FNBP1: variants seen among roughly 807,000 people sequenced by gnomAD.
FNBP1 encodes formin-binding protein 1.
A neutral mutation model predicts 90.6 loss-of-function variants in FNBP1; 26 were observed. The observed-to-expected ratio is 0.29, with a 90% confidence interval of 0.21 to 0.40. FNBP1 has a LOEUF of 0.40. Ranked by LOEUF, FNBP1 falls within the 10% of genes least tolerant of loss-of-function variation. The pLI is 1.00. For missense variants in FNBP1, 635 were observed against 768.0 expected (o/e 0.83, Z 2.05); for synonymous variants, 260 against 265.2 (o/e 0.98, Z 0.19).
chr9:129,937,180 A>AC (rs901545667), intron 6 of FNBP1, among the ~76,000 whole-genome samples: 79 of 150,946 alleles, frequency 5.2e-4, no homozygotes, highest in African/African-American at 1.8e-3. Context: ...AAGGGGGGGA[A>AC]AAAAATAAAA....
intron 8 of FNBP1, among the ~76,000 whole-genome samples, chr9:129,926,030 G>A (rs2041857354): frequency 6.6e-6 from 1 of 151,954 alleles, no homozygotes; most frequent in Non-Finnish European, 1.5e-5. Context: ...GGAGTGCAGT[G>A]GCGTGATCTT....
At chr9:129,909,780 C>T (rs1040613679) in intron 11 of FNBP1, among the ~76,000 whole-genome samples, 15 of 152,270 alleles carry the variant, frequency 9.9e-5, no homozygotes, top group East Asian at 9.7e-4. Flanking sequence ...TGTGCCACCA[C>T]GCCCGGCTAA....
intron 6 of FNBP1, chr9:129,936,432 G>A (rs557782665): frequency 3.3e-5 from 5 of 152,342 alleles, no homozygotes; most frequent in East Asian, 3.9e-4. Flanking sequence ...CCCAGAGGCT[G>A]GGGACACAGC....
At chr9:129,899,939 G>A (rs2036588224) in intron 15 of FNBP1, 26 bp downstream of exon 15, 1 of 1,538,538 alleles carries the variant, frequency 6.5e-7, no homozygotes, top group East Asian at 2.4e-5. Context: ...AAAAGGCAGG[G>A]GAATCCAGCA....
At chr9:130,048,927 CCCG>C in the FNBP1 span, among the ~76,000 whole-genome samples, 1 of 151,698 alleles carries the variant, frequency 6.6e-6, no homozygotes, top group Non-Finnish European at 1.5e-5. Context: ...ACTACAGGCG[CCCG>C]CCACCATGCC....
At chr9:130,044,037 T>C (rs2060026870), upstream of FNBP1, among the ~76,000 whole-genome samples, 1 of 152,208 alleles carries the variant, frequency 6.6e-6, no homozygotes, top group African/African-American at 2.4e-5. Flanking sequence ...AGGCCGAAGG[T>C]TGGTAAACCC....
chr9:129,977,703 C>CCT lies in FNBP1; in HGVS notation c.345+760_345+761dup, dbSNP rs142559169. Among the ~76,000 whole-genome samples the CCT allele has an allele frequency of 7.1e-3, 1,083 of 152,052 alleles. 44 individuals carry two copies. In the East Asian group the frequency reaches 0.12, roughly 17 times the overall value. The stretch of plus-strand genomic sequence containing the variant: ...GAAGGGGTTTCACCATGTTGACCAG[C>CCT]CTGATCGCGAACTCCTTAGCTCAGG... On this transcript the variant is annotated intron_variant, in intron 4 of 16. Transcript: ENST00000446176.
chr9:129,918,523 T>C (rs2040598796), intron 10 of FNBP1, among the ~76,000 whole-genome samples: 1 of 152,208 alleles, frequency 6.6e-6, no homozygotes, highest in South Asian at 2.1e-4. Context: ...CATGTGTTAT[T>C]GGACAGTCAC....
At chr9:130,040,447 C>A (rs1278871234) in intron 1 of FNBP1, among the ~76,000 whole-genome samples, 1 of 151,908 alleles carries the variant, frequency 6.6e-6, no homozygotes, top group Non-Finnish European at 1.5e-5. Flanking sequence ...GGCGAAACCC[C>A]GTCTCTACTA....
At chr9:129,972,681 GC>G (rs1478367701) in intron 4 of FNBP1, among the ~76,000 whole-genome samples, 11 of 152,032 alleles carry the variant, frequency 7.2e-5, no homozygotes, top group African/African-American at 2.7e-4. Flanking sequence ...ACAGGCACGC[GC>G]CACTGTGCCT....
chr9:129,987,485 C>G (rs2052464438), intron 2 of FNBP1, among the ~76,000 whole-genome samples: 2 of 151,974 alleles, frequency 1.3e-5, no homozygotes, highest in Admixed American at 6.6e-5. Flanking sequence ...CATGGAAGTA[C>G]ACACACACAA....
intron 16 of FNBP1, among the ~76,000 whole-genome samples, chr9:129,891,109 C>T (rs190403935): frequency 5.4e-5 from 8 of 147,344 alleles, no homozygotes; most frequent in Non-Finnish European, 1.0e-4. Context: ...GAGCTGAGAT[C>T]GGGCCACTGC....
intron 1 of FNBP1, among the ~76,000 whole-genome samples, chr9:130,024,134 A>G (rs1034796092): frequency 6.6e-6 from 1 of 152,118 alleles, no homozygotes; most frequent in Non-Finnish European, 1.5e-5. Context: ...GGCCAGGCTC[A>G]GTGGCTCATG....
chr9:129,930,107 C>T (rs1253305443), intron 6 of FNBP1, among the ~76,000 whole-genome samples: 1 of 151,050 alleles, frequency 6.6e-6, no homozygotes, highest in Non-Finnish European at 1.5e-5. Context: ...GTCACCCAGG[C>T]TGGAGTGCAG....
chr9:129,926,461 C>A (rs1318777197), intron 8 of FNBP1, among the ~76,000 whole-genome samples: 1 of 152,118 alleles, frequency 6.6e-6, no homozygotes, highest in Admixed American at 6.6e-5. Flanking sequence ...TGTGTGGAGA[C>A]ATTTTTGATT....
At chr9:129,971,386 A>C (rs904231590) in intron 4 of FNBP1, among the ~76,000 whole-genome samples, 1 of 151,508 alleles carries the variant, frequency 6.6e-6, no homozygotes, top group African/African-American at 2.4e-5. Context: ...TTACAGTTAG[A>C]TTTTTGTTTT....
At chr9:129,981,483 CAT>C (rs1051728318) in intron 2 of FNBP1, among the ~76,000 whole-genome samples, 4 of 152,186 alleles carry the variant, frequency 2.6e-5, no homozygotes, top group Admixed American at 1.3e-4. Flanking sequence ...TATTATTTCA[CAT>C]GTTACTTTTA....
At chr9:129,917,256 C>T (rs1262281075) in intron 10 of FNBP1, among the ~76,000 whole-genome samples, 1 of 152,018 alleles carries the variant, frequency 6.6e-6, no homozygotes, top group Non-Finnish European at 1.5e-5. Flanking sequence ...TCGTGATCCG[C>T]CCGCCTCCCA....
At chr9:129,995,446 C>T (rs959299378) in intron 1 of FNBP1, among the ~76,000 whole-genome samples, 4 of 152,174 alleles carry the variant, frequency 2.6e-5, no homozygotes, top group South Asian at 4.1e-4. Context: ...CAAACATACA[C>T]CAAACCCACA....
Sources: gnomAD v4.1 joint callset for allele counts (sites outside exome capture counted in the v4.1 genomes callset) on GRCh38, gnomAD v4.1.1 for gene constraint, MANE v1.5 for transcripts, NCBI Gene and HGNC (gene_info 2026-07-23, HGNC 2026-07-21) for gene names.